AMPD3: variants seen among roughly 807,000 people sequenced by gnomAD.
AMPD3 encodes the protein AMP deaminase 3.
Under a neutral mutation model 82.3 loss-of-function variants are expected in AMPD3, and 57 were observed. That is an observed-to-expected ratio of 0.69 (90% confidence interval 0.56 to 0.86). The LOEUF is 0.86. Ranked by LOEUF, AMPD3 falls within the 40% of genes least tolerant of loss-of-function variation. The pLI is 0.00. For missense variants in AMPD3, 870 were observed against 1,003.8 expected, an observed-to-expected ratio of 0.87 and a Z score of 1.80; for synonymous variants, 381 against 394.7, an observed-to-expected ratio of 0.97 and a Z score of 0.41.
rs774133774 is a variant in AMPD3, at chr11:10,482,131, T to C, written c.495T>C (p.Tyr165=). 12 of 1,614,050 alleles carry C rather than the reference T, an allele frequency of 7.4e-6. No individual in the cohort carries two copies. The Admixed American group carries it at 1.3e-4, about 18-fold the overall frequency. ...LAKALMIREK[Y]ARLAYHRFPR... is the part of the protein sequence containing the mutation. ...AGGCCCTAATGATCCGGGAGAAGTATGCGCGGCTCGCCTACCACCGCTTCC... is the reference window on the plus strand; with the variant it reads ...AGGCCCTAATGATCCGGGAGAAGTACGCGCGGCTCGCCTACCACCGCTTCC... The change falls in exon 4 of 15, where the codon TAT becomes TAC. Residue 165 remains tyrosine (Y), a synonymous_variant. Transcript: ENST00000396553.
chr11:10,474,024 C>A (rs530408865), intron 2 of AMPD3, among the ~76,000 whole-genome samples: 1 of 152,092 alleles, frequency 6.6e-6, no homozygotes, highest in Non-Finnish European at 1.5e-5. Context: ...AAATGTCCCC[C>A]CTCTGACCCC....
At chr11:10,499,794 C>T in intron 10 of AMPD3, 11 of 985,442 alleles carry the variant, frequency 1.1e-5, no homozygotes, top group Non-Finnish European at 1.3e-5. Flanking sequence ...TTGCCCTTCA[C>T]CTGGCTTGGC....
At chr11:10,496,122 G>T in intron 9 of AMPD3, 1 of 595,740 alleles carries the variant, frequency 1.7e-6, no homozygotes, top group Non-Finnish European at 2.1e-6. Flanking sequence ...TCACCATCTT[G>T]GCCAGGCTGG....
upstream of AMPD3, chr11:10,451,057 A>G: frequency 6.4e-7 from 1 of 1,573,538 alleles, no homozygotes; most frequent in South Asian, 1.1e-5. Flanking sequence ...AGTGCGCGCG[A>G]GGCTGCGCTG....
chr11:10,488,537 C>T (rs1849147231), intron 6 of AMPD3: 1 of 609,894 alleles, frequency 1.6e-6, no homozygotes, highest in African/African-American at 2.0e-5. Context: ...GGAGCTCAGG[C>T]ATTGGGAGCG....
At chr11:10,480,494 CAA>C (rs1361151799) in intron 3 of AMPD3, among the ~76,000 whole-genome samples, 1 of 137,398 alleles carries the variant, frequency 7.3e-6, no homozygotes, top group African/African-American at 2.5e-5. Context: ...ACCATCGTAA[CAA>C]AAAGTCTTGC....
At chr11:10,461,149 A>G (rs1848257548) in intron 1 of AMPD3, 1 of 1,203,798 alleles carries the variant, frequency 8.3e-7, no homozygotes, top group African/African-American at 1.6e-5. Context: ...CATAGTCTGG[A>G]GGAGGGAGAG....
At chr11:10,501,264 C>T (rs1185824449) in intron 11 of AMPD3, 8 of 985,308 alleles carry the variant, frequency 8.1e-6, no homozygotes, top group Non-Finnish European at 7.2e-6. Flanking sequence ...ACTCTCTGCC[C>T]GTAGAGGTGA....
chr11:10,459,212 T>A (rs1383447658), intron 1 of AMPD3, among the ~76,000 whole-genome samples: 1 of 152,102 alleles, frequency 6.6e-6, no homozygotes, highest in Non-Finnish European at 1.5e-5. Context: ...ACTCCTCTCA[T>A]CAGGGAGTGG....
chr11:10,504,175 A>T, intron 13 of AMPD3: 1 of 973,434 alleles, frequency 1.0e-6, no homozygotes, highest in Non-Finnish European at 1.2e-6. Context: ...CTATCTATCT[A>T]TTGCAAACTT....
At chr11:10,472,644 T>A (rs1333439064) in intron 2 of AMPD3, among the ~76,000 whole-genome samples, 5 of 152,228 alleles carry the variant, frequency 3.3e-5, no homozygotes. Context: ...GGGAACTTTT[T>A]AAACATTCAG....
intron 2 of AMPD3, chr11:10,478,281 G>A (rs1848798675): frequency 1.0e-6 from 1 of 985,310 alleles, no homozygotes; most frequent in Non-Finnish European, 1.2e-6. Context: ...TCTTCTGTGG[G>A]CTGTGCAAAC....
At chr11:10,495,304 C>A in intron 8 of AMPD3, 1 of 985,468 alleles carries the variant, frequency 1.0e-6, no homozygotes, top group Non-Finnish European at 1.2e-6. Flanking sequence ...GCAGCCTGAA[C>A]CTAGCTGGGT....
chr11:10,483,552 C>G (rs1440220804), intron 4 of AMPD3, among the ~76,000 whole-genome samples: 1 of 152,242 alleles, frequency 6.6e-6, no homozygotes, highest in Non-Finnish European at 1.5e-5. Flanking sequence ...TTTACATGGA[C>G]AGAGGACCCC....
chr11:10,491,439 G>T (rs1849237464), intron 6 of AMPD3, among the ~76,000 whole-genome samples: 1 of 152,228 alleles, frequency 6.6e-6, no homozygotes, highest in Non-Finnish European at 1.5e-5. Context: ...GATTAATGAA[G>T]AGGGTTCAGT....
intron 2 of AMPD3, among the ~76,000 whole-genome samples, chr11:10,469,238 T>C (rs948972600): frequency 1.3e-5 from 2 of 149,768 alleles, no homozygotes; most frequent in African/African-American, 4.9e-5. Context: ...ATGAAATAAA[T>C]AGACTGCTAG....
intron 2 of AMPD3, among the ~76,000 whole-genome samples, chr11:10,475,216 A>G (rs1444289775): frequency 6.6e-6 from 1 of 152,068 alleles, no homozygotes; most frequent in African/African-American, 2.4e-5. Context: ...GAGAGTGGGT[A>G]GGGGAAGGTG....
At position 10,495,029 on chromosome 11, in the gene AMPD3, A is replaced by G; in HGVS notation, c.1265A>G (p.Lys422Arg). 1.2e-6 allele frequency: 2 copies of G among 1,614,172 alleles called. No individual in the cohort carries two copies. The highest frequency in any genetic ancestry group is 1.7e-6 in the Non-Finnish European group (2 of 1,179,988). ...GGAGAGTACTTTGCTCGGATGGTCA[A>G]GGTGAGTGAACCCTCAGTCTCTCTG... ...LGGEYFARMV[K>R]EVARELEESK... is the part of the protein sequence containing the mutation. Residue 422 changes from lysine (K) to arginine (R), a missense_variant and splice_region_variant, in exon 8 of 15, where the codon AAG becomes AGG. Coordinates refer to ENST00000396553, the MANE Select transcript of AMPD3 (RefSeq NM_001025389.2).
rs756810031 is a variant in AMPD3 at position 10,484,796 on chromosome 11, C to G, written c.590-24C>G. 9.3e-6 allele frequency: 15 copies of G among 1,611,764 alleles called. No homozygotes were observed. The African/African-American group carries it at 2.0e-4, about 22-fold the overall frequency. ...TGCTCACAAGGTCAGGGGCACTTTG[C>G]CATCCCTCAATCCTGTTTTGCAGAC... is the stretch of plus-strand genomic sequence containing the variant. On this transcript the variant is annotated intron_variant, in intron 4 of 14. Transcript: ENST00000396553.
Sources: gnomAD v4.1 joint callset for allele counts (sites outside exome capture counted in the v4.1 genomes callset) on GRCh38, gnomAD v4.1.1 for gene constraint, MANE v1.5 for transcripts, NCBI Gene and HGNC (gene_info 2026-07-23, HGNC 2026-07-21) for gene names.